The following LGALS8 variants were observed in gnomAD, a reference collection of about 807,000 sequenced individuals.
LGALS8 encodes the protein galectin-8.
Under a neutral mutation model 35.9 loss-of-function variants are expected in LGALS8, and 30 were observed. The ratio of observed to expected loss-of-function variants is 0.83; its 90% CI spans 0.62 to 1.13. The LOEUF (loss-of-function observed/expected upper bound fraction) is 1.13, where lower values mean the gene tolerates loss of function less well. Ranked by LOEUF, LGALS8 falls within the 50% of genes most tolerant of loss-of-function variation. The pLI, the probability that LGALS8 is intolerant of heterozygous loss-of-function variation, is 0.00. For synonymous variants in LGALS8, 138 were observed against 136.1 expected (o/e 1.01, Z -0.10); for missense variants, 366 against 388.7 (o/e 0.94, Z 0.49).
Position 236,537,021 on chromosome 1 carries a change from CTT to C in LGALS8, c.46-464_46-463del, listed in dbSNP as rs60024224. ...ATCCTGGCCATGAGGTATGCAGTTC[CTT>C]TTTTTTTTTTTGAGACGGAGCCTTG... is the stretch of plus-strand genomic sequence containing the variant. On this transcript the variant is annotated intron_variant, in intron 2 of 9. Transcript: ENST00000366584. Among the ~76,000 whole-genome samples the C allele has an allele frequency of 7.3e-4, 101 of 137,876 alleles. 3 individuals carry two copies. The highest frequency in any genetic ancestry group is 2.1e-3 in the African/African-American group (73 of 34,460). The allele number at this position is 137,876 out of a possible 152,430, so 90.5% of individuals were successfully genotyped here. A position where few individuals can be genotyped will look rare whatever the true frequency, so the allele number is the denominator to read the frequency against.
intron 6 of LGALS8, 29 bp from the exon 7 acceptor site, chr1:236,542,732 A>G: frequency 6.2e-7 from 1 of 1,611,110 alleles, no homozygotes; most frequent in Non-Finnish European, 8.5e-7. Context: ...CCCTTCTAAC[A>G]TTGTTGTGTT....
Position 236,531,320 on chromosome 1 carries a change from A to G in LGALS8, c.45+5205A>G, listed in dbSNP as rs926686706. Among the ~76,000 whole-genome samples the G allele has an allele frequency of 2.1e-3, 315 of 151,886 alleles. 3 individuals carry two copies. Among genetic ancestry groups the G allele is most frequent in the Non-Finnish European group, 2.7e-4 (18 of 67,920 alleles). ...TCCATTTTCTTTACTTATTTATTTT[A>G]TTTATTTATTCATTTATTTTTGAGA... On this transcript the variant is annotated intron_variant, in intron 2 of 9. Transcript: ENST00000366584.
At chr1:236,527,674 G>A (rs1404331053) in intron 2 of LGALS8, among the ~76,000 whole-genome samples, 1 of 119,056 alleles carries the variant, frequency 8.4e-6, no homozygotes, top group African/African-American at 2.9e-5. Context: ...GTAGCTAGTT[G>A]CCCTTTCAAT....
chr1:236,541,750 T>C lies in LGALS8; in HGVS notation c.522+40T>C, dbSNP rs1394242220. On this transcript the variant is annotated intron_variant, in intron 6 of 9. Coordinates refer to ENST00000366584, the MANE Select transcript of LGALS8 (RefSeq NM_201544.4). Reference sequence around the variant, plus strand: ...TTTTAATGAGCCACTGGTTTAAAAATGTTGTTTTAGCTGCCATGTTAATGA... The same window carrying C: ...TTTTAATGAGCCACTGGTTTAAAAACGTTGTTTTAGCTGCCATGTTAATGA... The C allele has an allele frequency of 3.6e-6, 4 of 1,120,012 alleles. No homozygotes were observed. The Admixed American group carries it at 1.0e-4, about 29-fold the overall frequency. The allele number at this position is 1,120,012 out of a possible 1,614,324, so 69.4% of individuals were successfully genotyped here. A position where few individuals can be genotyped will look rare whatever the true frequency, so the allele number is the denominator to read the frequency against.
chr1:236,531,810 G>A (rs1661166676), intron 2 of LGALS8, among the ~76,000 whole-genome samples: 1 of 152,136 alleles, frequency 6.6e-6, no homozygotes, highest in Non-Finnish European at 1.5e-5. Context: ...GTCACACCCA[G>A]TTTTGATGAC....
intron 2 of LGALS8, among the ~76,000 whole-genome samples, chr1:236,530,294 T>C (rs1303836624): frequency 1.3e-5 from 2 of 152,240 alleles, no homozygotes; most frequent in African/African-American, 2.4e-5. Context: ...AATTTAGTCT[T>C]AAAACACAAC....
At chr1:236,533,655 G>T (rs1441853431) in intron 2 of LGALS8, among the ~76,000 whole-genome samples, 3 of 149,960 alleles carry the variant, frequency 2.0e-5, no homozygotes, top group Non-Finnish European at 3.0e-5. Context: ...TTTTTTTAAA[G>T]ATGTTGAATT....
intron 1 of LGALS8, chr1:236,525,579 T>G (rs561032171): frequency 6.5e-6 from 1 of 152,874 alleles, no homozygotes; most frequent in East Asian, 1.9e-4. Context: ...ATTTTTGTAT[T>G]TTTAGTAGGG....
intron 2 of LGALS8, among the ~76,000 whole-genome samples, chr1:236,529,180 G>A (rs73113011): frequency 0.035 from 5,324 of 152,264 alleles, 303 homozygotes; most frequent in African/African-American, 0.11. Context: ...GGAAGAGTGA[G>A]GTGGGAGGAT....
In LGALS8 at chr1:236,548,488, A is replaced by AT. The variant is rs537743586; in HGVS notation, c.*335dup. On this transcript the variant is annotated 3_prime_UTR_variant, in exon 10 of 10. Transcript: ENST00000366584. ...AGTAGCTAACATGTATTGAGCACAGATTTTTTTTGGTAAAACTGTGAAGAG... is the reference window on the plus strand; with the variant it reads ...AGTAGCTAACATGTATTGAGCACAGATTTTTTTTTGGTAAAACTGTGAAGAG... The AT allele has an allele frequency of 3.2e-4, 94 of 291,664 alleles. No homozygotes were observed. The highest frequency in any genetic ancestry group is 4.7e-4 in the Non-Finnish European group (74 of 157,320). 18.1% of individuals were successfully genotyped at this position (291,664 alleles called of 1,614,324 possible). A position where few individuals can be genotyped will look rare whatever the true frequency, so the allele number is the denominator to read the frequency against.
In LGALS8 at chr1:236,526,227, G is replaced by T; in HGVS notation, c.45+112G>T. On this transcript the variant is annotated intron_variant, in intron 2 of 9. Transcript: ENST00000366584. This position sits in a 1 kb window ranked among gnomAD's most constrained non-coding sequence, Gnocchi z 4.6. ...ATAAAAGCCAGTGAACATATTTAAA[G>T]CACCTACTATGTAATAGAGATGGTG... 2.7e-6 allele frequency: 2 copies of T among 750,940 alleles called. No individual in the cohort carries two copies. Among genetic ancestry groups the T allele is most frequent in the Non-Finnish European group, 2.2e-6 (1 of 445,602 alleles). The allele number at this position is 750,940 out of a possible 1,614,324, so 46.5% of individuals were successfully genotyped here. A position where few individuals can be genotyped will look rare whatever the true frequency, so the allele number is the denominator to read the frequency against.
At position 236,542,732 on chromosome 1, in the gene LGALS8, ATTGTTGTGTTTTGTTTC is replaced by A; in HGVS notation, c.523-26_523-10del. 6.2e-7 allele frequency: 1 copy of A among 1,611,110 alleles called. No individual in the cohort carries two copies. Among genetic ancestry groups the A allele is most frequent in the Non-Finnish European group, 8.5e-7 (1 of 1,177,350 alleles). ...AAACTATAATTCTTCCCCTTCTAAC[ATTGTTGTGTTTTGTTTC>A]TTTTCCAATAGGTTCCAAAGTCTGG... On this transcript the variant is annotated splice_polypyrimidine_tract_variant and intron_variant, in intron 6 of 9. Transcript: ENST00000366584.
Position 236,552,057 on chromosome 1 carries a change from C to A in LGALS8, c.*3896C>A. 1 of 1,613,746 alleles carries A rather than the reference C, an allele frequency of 6.2e-7. No homozygotes were observed. Among genetic ancestry groups the A allele is most frequent in the Non-Finnish European group, 8.5e-7 (1 of 1,179,868 alleles). On this transcript the variant is annotated 3_prime_UTR_variant, in exon 10 of 10. Transcript: ENST00000366584. ...CTGGTAGCAAGACAATATAATTCTC[C>A]TTTAGTTTTTCAGCCAGTGCTAACA...
At chr1:236,534,020 C>A (rs1661312183) in intron 2 of LGALS8, among the ~76,000 whole-genome samples, 1 of 152,146 alleles carries the variant, frequency 6.6e-6, no homozygotes, top group Non-Finnish European at 1.5e-5. Context: ...TTCTCCAAAC[C>A]CAGATATAGC....
At chr1:236,537,178 G>A (rs946936772) in intron 2 of LGALS8, among the ~76,000 whole-genome samples, 6 of 151,648 alleles carry the variant, frequency 4.0e-5, no homozygotes, top group Admixed American at 1.3e-4. Flanking sequence ...CACCACACCC[G>A]GCTAATTTTT....
chr1:236,549,059 G>T lies in LGALS8; in HGVS notation c.*898G>T. 2.5e-6 allele frequency: 1 copy of T among 398,488 alleles called. No individual in the cohort carries two copies. Among genetic ancestry groups the T allele is most frequent in the Admixed American group, 4.4e-5 (1 of 22,730 alleles). 24.7% of individuals were successfully genotyped at this position (398,488 alleles called of 1,614,324 possible). On this transcript the variant is annotated 3_prime_UTR_variant, in exon 10 of 10. Transcript: ENST00000366584. ...AAGTAAGGTCAGGATTAGACTTCAG[G>T]CATTCATAAGGCAGGCACTATCAGA... is the stretch of plus-strand genomic sequence containing the variant.
rs1662644802 is a variant in LGALS8, at chr1:236,549,980, CT to C, written c.*1823del. On this transcript the variant is annotated 3_prime_UTR_variant, in exon 10 of 10. Coordinates refer to ENST00000366584, the MANE Select transcript of LGALS8 (RefSeq NM_201544.4). Reference sequence around the variant, plus strand: ...TAAACTTCTATATTAGCTTCAAAGGCTTTTAAACTCAATGCGAACATTCTAC... The same window carrying C: ...TAAACTTCTATATTAGCTTCAAAGGCTTTAAACTCAATGCGAACATTCTAC... 6.6e-6 allele frequency: 1 copy of C among 152,156 alleles called. No homozygotes were observed. The highest frequency in any genetic ancestry group is 1.5e-5 in the Non-Finnish European group (1 of 68,028). 9.4% of individuals were successfully genotyped at this position (152,156 alleles called of 1,614,324 possible). A position where few individuals can be genotyped will look rare whatever the true frequency, so the allele number is the denominator to read the frequency against.
chr1:236,537,240 C>T (rs996958258), intron 2 of LGALS8, among the ~76,000 whole-genome samples: 2 of 151,950 alleles, frequency 1.3e-5, no homozygotes, highest in African/African-American at 4.8e-5. Flanking sequence ...TGGTCTCGAT[C>T]TGCTGACCTC....
chr1:236,543,307 C>T (rs1343397574), intron 7 of LGALS8: 6 of 648,528 alleles, frequency 9.3e-6, no homozygotes, highest in East Asian at 5.5e-5. Context: ...TGGCGTGTTT[C>T]ACTCATACAG....
Sources: allele counts gnomAD v4.1 joint callset (sites outside exome capture counted in the v4.1 genomes callset), GRCh38; gene constraint gnomAD v4.1.1; non-coding constraint Gnocchi (gnomAD v3.1); transcripts MANE v1.5; gene names NCBI Gene and HGNC (gene_info 2026-07-23, HGNC 2026-07-21).